MRTFB: variants seen among roughly 807,000 people sequenced by gnomAD.
The protein encoded by MRTFB is myocardin-related transcription factor B.
Under a neutral mutation model 104.2 loss-of-function variants are expected in MRTFB, and 29 were observed. The observed-to-expected ratio is 0.28, with a 90% CI of 0.21 to 0.38. The LOEUF (loss-of-function observed/expected upper bound fraction) is 0.38, where lower values mean the gene tolerates loss of function less well. Ranked by LOEUF, MRTFB falls within the 10% of genes least tolerant of loss-of-function variation. The pLI is 1.00. For synonymous variants in MRTFB, 535 were observed against 519.5 expected (o/e 1.03, Z -0.41); for missense variants, 1,270 against 1,341.6 (o/e 0.95, Z 0.83).
At chr16:14,066,681 GT>G (rs959490742), upstream of MRTFB, among the ~76,000 whole-genome samples, 1 of 149,828 alleles carries the variant, frequency 6.7e-6, no homozygotes, top group Non-Finnish European at 1.5e-5. Context: ...CTGTGTTTTT[GT>G]TTTTTATAGA....
At chr16:14,174,274 A>G (rs182828190) in intron 3 of MRTFB, among the ~76,000 whole-genome samples, 11 of 152,296 alleles carry the variant, frequency 7.2e-5, no homozygotes, top group Admixed American at 3.9e-4. Context: ...AATTGTGTCT[A>G]TGTCACATTG....
At chr16:14,065,632 C>A in the MRTFB span, among the ~76,000 whole-genome samples, 1 of 152,060 alleles carries the variant, frequency 6.6e-6, no homozygotes, top group Non-Finnish European at 1.5e-5. Context: ...GTAGTCCGAG[C>A]TACTCAGGAG....
the MRTFB span, among the ~76,000 whole-genome samples, chr16:14,047,845 C>A: frequency 1.3e-5 from 2 of 152,154 alleles, no homozygotes; most frequent in Admixed American, 6.5e-5. Flanking sequence ...ACTTATTACT[C>A]TGCTCCCAGC....
the MRTFB span, among the ~76,000 whole-genome samples, chr16:14,027,409 A>T: frequency 6.6e-6 from 1 of 152,174 alleles, no homozygotes; most frequent in Non-Finnish European, 1.5e-5. Flanking sequence ...GGGTCTGAAG[A>T]GGGTATTTCT....
chr16:14,032,056 C>G, the MRTFB span, among the ~76,000 whole-genome samples: 3 of 152,220 alleles, frequency 2.0e-5, no homozygotes, highest in Admixed American at 6.5e-5. Flanking sequence ...GATCTGCCCA[C>G]CTCAGCCTCC....
the MRTFB span, among the ~76,000 whole-genome samples, chr16:14,025,286 TCCTCCCATCTTAG>T: frequency 1.3e-5 from 2 of 152,210 alleles, no homozygotes; most frequent in African/African-American, 4.8e-5. Context: ...CCTCAAGTGA[TCCTCCCATCTTAG>T]CCTCCCAAGT....
intron 3 of MRTFB, among the ~76,000 whole-genome samples, chr16:14,189,452 T>C (rs1441675878): frequency 2.6e-5 from 4 of 152,248 alleles, no homozygotes; most frequent in Admixed American, 6.5e-5. Flanking sequence ...CAAATACTTT[T>C]GGTTAATGTT....
chr16:14,156,779 T>G (rs1205295890), intron 3 of MRTFB, among the ~76,000 whole-genome samples: 4 of 152,366 alleles, frequency 2.6e-5, no homozygotes, highest in Non-Finnish European at 4.4e-5. Flanking sequence ...TTGATTCAAC[T>G]TGGCAAAAGA....
Position 14,258,089 on chromosome 16 carries a change from CCTT to C in MRTFB, c.2704-10_2704-8del. On this transcript the variant is annotated splice_polypyrimidine_tract_variant and intron_variant, in intron 15 of 16. Coordinates refer to ENST00000571589, the MANE Select transcript of MRTFB (RefSeq NM_001308142.2). The stretch of plus-strand genomic sequence containing the variant: ...ATGAAAGAAACCTAATTTGTACTCT[CCTT>C]CATTGTAGATTTCCAACGCTCACAG... The C allele has an allele frequency of 6.2e-7, 1 of 1,612,384 alleles. No individual in the cohort carries two copies. The highest frequency in any genetic ancestry group is 8.5e-7 in the Non-Finnish European group (1 of 1,178,544).
At position 14,247,378 on chromosome 16, in the gene MRTFB, A is replaced by G. The variant is rs752336293; in HGVS notation, c.2118A>G (p.Pro706=). ...TTTATGTGAGTTCCCAGGGACAGCCACCGCCTGCTGTTGTTGCTCAGCCCC... is the reference window on the plus strand; with the variant it reads ...TTTATGTGAGTTCCCAGGGACAGCCGCCGCCTGCTGTTGTTGCTCAGCCCC... ...SQFYVSSQGQ[P]PPAVVAQPQA... The change falls in exon 12 of 17, where the codon CCA becomes CCG. Residue 706 remains proline (P), a synonymous_variant. Transcript: ENST00000571589. 3.1e-6 allele frequency: 5 copies of G among 1,614,040 alleles called. No individual in the cohort carries two copies. The highest frequency in any genetic ancestry group is 1.7e-5 in the Admixed American group (1 of 60,020).
intron 2 of MRTFB, among the ~76,000 whole-genome samples, chr16:14,131,690 A>C (rs1167528987): frequency 6.6e-6 from 1 of 152,202 alleles, no homozygotes; most frequent in Non-Finnish European, 1.5e-5. Flanking sequence ...AAAACATGAA[A>C]AGAAATTCAA....
chr16:14,233,603 A>T (rs9888826), intron 8 of MRTFB, among the ~76,000 whole-genome samples: 1,723 of 152,114 alleles, frequency 0.011, 35 homozygotes, highest in African/African-American at 0.038. Context: ...AGCCTGGCCA[A>T]CGTGGTGAAA....
chr16:14,100,383 G>A (rs1203074230), intron 2 of MRTFB, among the ~76,000 whole-genome samples: 7 of 152,104 alleles, frequency 4.6e-5, no homozygotes, highest in South Asian at 2.1e-4. Flanking sequence ...TTTTTAATTC[G>A]TTAATAGGGT....
At chr16:14,157,615 C>G (rs578248769) in intron 3 of MRTFB, among the ~76,000 whole-genome samples, 1 of 152,234 alleles carries the variant, frequency 6.6e-6, no homozygotes, top group African/African-American at 2.4e-5. Context: ...TAGTAGTGGG[C>G]TTGGTGAGGG....
chr16:14,008,821 TC>T, the MRTFB span, among the ~76,000 whole-genome samples: 1 of 152,348 alleles, frequency 6.6e-6, no homozygotes, highest in African/African-American at 2.4e-5. Context: ...GGGATGTCTT[TC>T]CATTTATTTA....
the MRTFB span, among the ~76,000 whole-genome samples, chr16:14,043,718 A>G: frequency 6.6e-6 from 1 of 152,212 alleles, no homozygotes; most frequent in African/African-American, 2.4e-5. Flanking sequence ...TTATTGAAGG[A>G]ATCAAGGATA....
chr16:14,156,797 TTTA>T, intron 3 of MRTFB, among the ~76,000 whole-genome samples: 1 of 152,226 alleles, frequency 6.6e-6, no homozygotes, highest in African/African-American at 2.4e-5. Context: ...AGATTCAGCC[TTTA>T]AAAGAGACAA....
At chr16:14,067,254 C>G (rs1159636714), upstream of MRTFB, among the ~76,000 whole-genome samples, 2 of 147,300 alleles carry the variant, frequency 1.4e-5, no homozygotes, top group Admixed American at 1.3e-4. Flanking sequence ...CAGGGTCTCC[C>G]TCTGTTGCCC....
intron 3 of MRTFB, among the ~76,000 whole-genome samples, chr16:14,202,345 T>TAA (rs983941672): frequency 6.6e-6 from 1 of 152,188 alleles, no homozygotes; most frequent in Non-Finnish European, 1.5e-5. Context: ...CTTTTCTTTT[T>TAA]AAAATCTCTT....
Sources: gnomAD v4.1 joint callset for allele counts (sites outside exome capture counted in the v4.1 genomes callset) on GRCh38, gnomAD v4.1.1 for gene constraint, MANE v1.5 for transcripts, NCBI Gene and HGNC (gene_info 2026-07-23, HGNC 2026-07-21) for gene names.